Variants in OTUD7B observed in about 807,000 individuals in gnomAD.
OTUD7B encodes OTU deubiquitinase 7B, also known as OTU domain-containing protein 7B.
OTUD7B carries 34 observed loss-of-function variants against 82.2 expected under a neutral mutation model. The observed-to-expected ratio is 0.41, with a 90% CI of 0.31 to 0.55. The LOEUF (loss-of-function observed/expected upper bound fraction) is 0.55, where lower values mean the gene tolerates loss of function less well. OTUD7B is among the 20% of genes least tolerant of loss of function. The probability of loss-of-function intolerance (pLI) is 0.20; values close to 1 mark genes in which losing one functional copy is unlikely to be tolerated. For synonymous variants in OTUD7B, 398 were observed against 402.7 expected, an observed-to-expected ratio of 0.99 and a Z score of 0.14; for missense variants, 944 against 1,062.1, an observed-to-expected ratio of 0.89 and a Z score of 1.55.
intron 1 of OTUD7B, 104 bp from the exon 2 acceptor site, chr1:149,977,680 A>T: frequency 1.8e-6 from 1 of 554,786 alleles, no homozygotes; most frequent in Non-Finnish European, 3.2e-6. Flanking sequence ...ATCCTAGCTC[A>T]TTCATTTCAG....
chr1:149,943,549 T>C lies in OTUD7B; in HGVS notation c.*308A>G. On this transcript the variant is annotated 3_prime_UTR_variant, in exon 12 of 12. Coordinates refer to ENST00000581312, the MANE Select transcript of OTUD7B (RefSeq NM_020205.4). ...CACACACCAAACCTTCCCCTGCTAC[T>C]TTCTCTTAGGTCCCTGGATGGGACC... 1 of 244,162 alleles carries C rather than the reference T, an allele frequency of 4.1e-6. No individual in the cohort carries two copies. Among genetic ancestry groups the C allele is most frequent in the Non-Finnish European group, 8.0e-6 (1 of 125,712 alleles). 15.1% of individuals were successfully genotyped at this position (244,162 alleles called of 1,614,324 possible).
chr1:150,046,199 C>T, the OTUD7B span, among the ~76,000 whole-genome samples: 376 of 152,180 alleles, frequency 2.5e-3, no homozygotes, highest in Non-Finnish European at 3.0e-3. Context: ...GGGTGATCTA[C>T]GTAACTGAAG....
chr1:149,956,248 A>G (rs1364262088), intron 7 of OTUD7B, among the ~76,000 whole-genome samples: 1 of 152,138 alleles, frequency 6.6e-6, no homozygotes, highest in Non-Finnish European at 1.5e-5. Context: ...AAAATCTCTC[A>G]GCATTTGCGT....
intron 4 of OTUD7B, 54 bp from the exon 5 acceptor site, chr1:149,965,932 C>T (rs1167862028): frequency 6.9e-7 from 1 of 1,443,876 alleles, no homozygotes. Flanking sequence ...GCCCTTCCAC[C>T]TTCCTATTTC....
At chr1:149,955,020 G>A (rs1473399490) in intron 7 of OTUD7B, among the ~76,000 whole-genome samples, 2 of 152,080 alleles carry the variant, frequency 1.3e-5, no homozygotes, top group African/African-American at 4.8e-5. Flanking sequence ...ATTTTTTGAA[G>A]GGTTTTTTGT....
intron 1 of OTUD7B, among the ~76,000 whole-genome samples, chr1:149,978,981 A>C (rs1485915758): frequency 1.3e-5 from 2 of 151,822 alleles, no homozygotes; most frequent in Admixed American, 1.3e-4. Flanking sequence ...GTGGGTTATA[A>C]AACCAGCAGG....
At chr1:149,998,873 C>T (rs1275916748) in intron 1 of OTUD7B, among the ~76,000 whole-genome samples, 1 of 152,178 alleles carries the variant, frequency 6.6e-6, no homozygotes, top group Non-Finnish European at 1.5e-5. Context: ...ATATGTAAAT[C>T]TCTTTTCAGT....
intron 1 of OTUD7B, among the ~76,000 whole-genome samples, chr1:150,004,862 TA>T (rs1428647063): frequency 1.3e-5 from 2 of 152,102 alleles, no homozygotes; most frequent in African/African-American, 4.8e-5. Flanking sequence ...CTTATTCATT[TA>T]TTTTTTTATT....
intron 1 of OTUD7B, among the ~76,000 whole-genome samples, chr1:150,003,180 G>T (rs1364273960): frequency 2.0e-5 from 3 of 151,574 alleles, no homozygotes; most frequent in Non-Finnish European, 4.4e-5. Context: ...AACCCGGGAG[G>T]CGGAGCTTGC....
chr1:149,978,688 G>A (rs1225411396), intron 1 of OTUD7B, among the ~76,000 whole-genome samples: 2 of 152,106 alleles, frequency 1.3e-5, no homozygotes, highest in Non-Finnish European at 2.9e-5. Flanking sequence ...AACTGAAAAA[G>A]ATCTCTTCTT....
chr1:150,064,231 G>T, the OTUD7B span, among the ~76,000 whole-genome samples: 2 of 152,184 alleles, frequency 1.3e-5, no homozygotes, highest in Non-Finnish European at 2.9e-5. Flanking sequence ...ACAAATTCAT[G>T]AGGTAGGTTA....
intron 2 of OTUD7B, among the ~76,000 whole-genome samples, chr1:149,971,455 AAG>A (rs1649930184): frequency 6.6e-6 from 1 of 152,078 alleles, no homozygotes; most frequent in Non-Finnish European, 1.5e-5. Flanking sequence ...TCTATTTCCT[AAG>A]TAAGTGCCAT....
At chr1:149,950,046 G>A (rs782015269) in intron 8 of OTUD7B, 48 bp downstream of exon 8, 2 of 1,609,034 alleles carry the variant, frequency 1.2e-6, no homozygotes, top group South Asian at 1.1e-5. Context: ...CTAAGGCTTT[G>A]CAAAAGGGGG....
chr1:149,993,956 C>T (rs922557356), intron 1 of OTUD7B, among the ~76,000 whole-genome samples: 2 of 152,136 alleles, frequency 1.3e-5, no homozygotes, highest in Non-Finnish European at 2.9e-5. Flanking sequence ...TTCACAATGA[C>T]CACAATTACA....
At chr1:150,059,326 G>C in the OTUD7B span, among the ~76,000 whole-genome samples, 1 of 70,432 alleles carries the variant, frequency 1.4e-5, no homozygotes, top group Non-Finnish European at 2.6e-5. Context: ...CCAAAATGCT[G>C]GGATTACAGA....
chr1:149,949,038 T>C lies in OTUD7B; in HGVS notation c.1169A>G (p.His390Arg), dbSNP rs1287622591. ...GCCCTTTCCAGGGTCCACAGCAAAG[T>C]GCAAGGGCAGCAGCTTATACTCTGA... ...TDSEYKLLPL[H>R]FAVDPGKGWE... Residue 390 changes from histidine (H) to arginine (R), a missense_variant, in exon 10 of 12, where the codon CAC (histidine) becomes CGC (arginine). Physicochemically the swap from His to Arg is conservative, Grantham distance 29. Transcript: ENST00000581312. 2.5e-6 allele frequency: 4 copies of C among 1,613,928 alleles called. No individual in the cohort carries two copies. In the Admixed American group the frequency reaches 5.0e-5, roughly 20 times the overall value.
chr1:150,043,994 T>C, the OTUD7B span, among the ~76,000 whole-genome samples: 32 of 152,018 alleles, frequency 2.1e-4, 1 homozygote, highest in Non-Finnish European at 1.5e-5. Flanking sequence ...GGCACGTGCC[T>C]GTAGTCCCAG....
Position 149,949,016 on chromosome 1 carries a change from C to T in OTUD7B, c.1191G>A (p.Lys397=). The T allele has an allele frequency of 6.2e-7, 1 of 1,614,168 alleles. No homozygotes were observed. The highest frequency in any genetic ancestry group is 8.5e-7 in the Non-Finnish European group (1 of 1,179,958). The change falls in exon 10 of 12, where the codon AAG becomes AAA. Residue 397 remains lysine (K), a synonymous_variant. Transcript: ENST00000581312. ...LPLHFAVDPG[K]GWEWGKDDSD... ...TATCATCTTTGCCCCACTCCCAGCC[C>T]TTTCCAGGGTCCACAGCAAAGTGCA...
chr1:149,964,008 T>C (rs997412605), intron 6 of OTUD7B: 2 of 495,954 alleles, frequency 4.0e-6, no homozygotes, highest in Non-Finnish European at 7.2e-6. Flanking sequence ...TTAGATAACC[T>C]CTCTGTAGGT....
Sources: gnomAD v4.1 joint callset for allele counts (sites outside exome capture counted in the v4.1 genomes callset) on GRCh38, gnomAD v4.1.1 for gene constraint, MANE v1.5 for transcripts, NCBI Gene and HGNC (gene_info 2026-07-23, HGNC 2026-07-21) for gene names.